Variants in XRRA1 observed in about 807,000 individuals in gnomAD.
The protein encoded by XRRA1 is X-ray radiation resistance-associated protein 1.
XRRA1 carries 69 observed loss-of-function variants against 80.2 expected under a neutral mutation model. The observed-to-expected ratio is 0.86, with a 90% CI of 0.71 to 1.05. The LOEUF (loss-of-function observed/expected upper bound fraction) is 1.05. XRRA1 is among the 50% of genes least tolerant of loss of function. The pLI, the probability that XRRA1 is intolerant of heterozygous loss-of-function variation, is 0.00. For synonymous variants in XRRA1, 348 were observed against 389.9 expected, an observed-to-expected ratio of 0.89 and a Z score of 1.27; for missense variants, 967 against 976.4, an observed-to-expected ratio of 0.99 and a Z score of 0.13.
rs372006870 is a variant in XRRA1 at position 74,845,068 on chromosome 11, C to T, written c.1927+5G>A. Reference sequence around the variant, plus strand: ...GCCCTAGAGCAAGGATATGCCCTCACATACCCTTTGGCTCAATGAAGGCTG... The same window carrying T: ...GCCCTAGAGCAAGGATATGCCCTCATATACCCTTTGGCTCAATGAAGGCTG... On this transcript the variant is annotated splice_donor_5th_base_variant and intron_variant, in intron 16 of 18. Transcript: ENST00000684022. 2.5e-6 allele frequency: 4 copies of T among 1,612,868 alleles called. No homozygotes were observed. Among genetic ancestry groups the T allele is most frequent in the African/African-American group, 1.3e-5 (1 of 74,922 alleles).
At chr11:74,925,460 C>T (rs1361332449) in intron 7 of XRRA1, among the ~76,000 whole-genome samples, 1 of 152,204 alleles carries the variant, frequency 6.6e-6, no homozygotes, top group Non-Finnish European at 1.5e-5. Flanking sequence ...CAAAATATTA[C>T]ATTACTGTGA....
Position 74,845,104 on chromosome 11 carries a change from G to A in XRRA1, c.1896C>T (p.Ala632=), listed in dbSNP as rs2037706705. 6.2e-7 allele frequency: 1 copy of A among 1,613,804 alleles called. No homozygotes were observed. The highest frequency in any genetic ancestry group is 8.5e-7 in the Non-Finnish European group (1 of 1,179,910). The change falls in exon 16 of 19, where the codon GCC becomes GCT. Residue 632 remains alanine (A), a synonymous_variant. Transcript: ENST00000684022. ...GCTCAATGAAGGCTGGATCAGGCTT[G>A]GCTGTCAGCAGTTCTTCATAGCCGT... The part of the protein sequence containing the change: ...KYHGYEELLT[A]KPDPAFIEPK...
intron 15 of XRRA1, among the ~76,000 whole-genome samples, chr11:74,846,952 C>T (rs1479408329): frequency 6.7e-6 from 1 of 149,984 alleles, no homozygotes; most frequent in South Asian, 2.1e-4. Context: ...CATGGTGACT[C>T]ATAATTGATT....
chr11:74,851,058 G>C (rs760665225), intron 14 of XRRA1, 30 bp downstream of exon 14: 2 of 1,571,104 alleles, frequency 1.3e-6, no homozygotes, highest in Non-Finnish European at 1.7e-6. Flanking sequence ...ACTCTTCCTG[G>C]GGGTGGGAGT....
intron 8 of XRRA1, among the ~76,000 whole-genome samples, chr11:74,917,195 A>T (rs2138723116): frequency 6.6e-6 from 1 of 152,328 alleles, no homozygotes; most frequent in Non-Finnish European, 1.5e-5. Flanking sequence ...TTTGGAGGAC[A>T]GAGATCTTTT....
intron 6 of XRRA1, among the ~76,000 whole-genome samples, chr11:74,928,915 C>A (rs907320924): frequency 6.6e-6 from 1 of 152,150 alleles, no homozygotes; most frequent in Non-Finnish European, 1.5e-5. Context: ...ATCCATCTCC[C>A]TACCAATGCT....
chr11:74,864,000 T>C (rs2042864190), intron 10 of XRRA1: 1 of 152,152 alleles, frequency 6.6e-6, no homozygotes, highest in Admixed American at 6.6e-5. Flanking sequence ...TTACTGCATT[T>C]TAAGCTTCTG....
chr11:74,939,987 A>G (rs535368599), intron 3 of XRRA1, among the ~76,000 whole-genome samples: 1 of 152,300 alleles, frequency 6.6e-6, no homozygotes, highest in African/African-American at 2.4e-5. Context: ...CTCTGTGTGA[A>G]AAACAAAATC....
chr11:74,886,477 A>T (rs1167907939), intron 10 of XRRA1, among the ~76,000 whole-genome samples: 1 of 152,182 alleles, frequency 6.6e-6, no homozygotes, highest in African/African-American at 2.4e-5. Context: ...CACAAAAAGA[A>T]TAACATACCT....
intron 5 of XRRA1, among the ~76,000 whole-genome samples, chr11:74,930,980 T>C (rs757273662): frequency 3.5e-4 from 53 of 152,198 alleles, no homozygotes; most frequent in Admixed American, 3.9e-4. Context: ...AATTTTTTTG[T>C]ATTTTTAGCT....
chr11:74,922,555 G>GC (rs1474681313), intron 7 of XRRA1, among the ~76,000 whole-genome samples: 2 of 152,030 alleles, frequency 1.3e-5, no homozygotes, highest in African/African-American at 2.4e-5. Context: ...GCTTCCCTGT[G>GC]CCCCCCTCCT....
chr11:74,851,199 G>A lies in XRRA1; in HGVS notation c.1269C>T (p.Val423=), dbSNP rs751417557. 3.7e-6 allele frequency: 6 copies of A among 1,603,172 alleles called. No individual in the cohort carries two copies. The highest frequency in any genetic ancestry group is 3.5e-4 in the Middle Eastern group (2 of 5,730). ...GGAGGAAGCTCTTCAGCAGTGGAGG[G>A]ACCCCTGGTGCCATGATGGGAAAAT... ...NNPLVAHTRG[V]PPLLKSFLQE... Residue 423 remains valine, a synonymous_variant, in exon 14 of 19, where the codon GTC becomes GTT. Coordinates refer to ENST00000684022, the MANE Select transcript of XRRA1 (RefSeq NM_001378157.1).
chr11:74,917,135 C>A (rs1337143374), intron 8 of XRRA1, among the ~76,000 whole-genome samples: 2 of 152,018 alleles, frequency 1.3e-5, no homozygotes, highest in Non-Finnish European at 2.9e-5. Flanking sequence ...TCTGTGTGCA[C>A]CTCAATGATG....
chr11:74,936,783 A>G, intron 4 of XRRA1, 101 bp downstream of exon 4: 14 of 1,377,064 alleles, frequency 1.0e-5, no homozygotes, highest in Non-Finnish European at 1.4e-5. Context: ...AACAGTTTGG[A>G]GTAGATTGGG....
chr11:74,863,284 C>T (rs2042704116), intron 10 of XRRA1: 1 of 496,876 alleles, frequency 2.0e-6, no homozygotes, highest in African/African-American at 1.9e-5. Flanking sequence ...CTGCCTACTT[C>T]TTCAGTCTCA....
chr11:74,942,679 T>C (rs1946565250), intron 2 of XRRA1, among the ~76,000 whole-genome samples: 1 of 152,228 alleles, frequency 6.6e-6, no homozygotes, highest in Non-Finnish European at 1.5e-5. Context: ...CTGTGTGGCC[T>C]TGAGCAAGTT....
At chr11:74,879,507 T>C (rs996252261) in intron 10 of XRRA1, among the ~76,000 whole-genome samples, 27 of 151,846 alleles carry the variant, frequency 1.8e-4, no homozygotes, top group African/African-American at 6.3e-4. Context: ...CTGTGTTGAA[T>C]AGGAGTGGTG....
At chr11:74,894,490 GGA>G (rs1484303297) in intron 10 of XRRA1, among the ~76,000 whole-genome samples, 2 of 152,176 alleles carry the variant, frequency 1.3e-5, no homozygotes, top group African/African-American at 2.4e-5. Context: ...GTATGGCTTA[GGA>G]GGCCTCAGGA....
chr11:74,891,123 T>A (rs1480236914), intron 10 of XRRA1, among the ~76,000 whole-genome samples: 8 of 152,052 alleles, frequency 5.3e-5, no homozygotes, highest in African/African-American at 1.4e-4. Context: ...TAGACCAATA[T>A]CCCTGATGAA....
Sources: allele counts gnomAD v4.1 joint callset (sites outside exome capture counted in the v4.1 genomes callset), GRCh38; gene constraint gnomAD v4.1.1; transcripts MANE v1.5; gene names NCBI Gene and HGNC (gene_info 2026-07-23, HGNC 2026-07-21).